IQUB: variants seen among roughly 807,000 people sequenced by gnomAD.
IQUB encodes IQ motif and ubiquitin-like domain-containing protein.
IQUB carries 86 observed loss-of-function variants against 86.4 expected under a neutral mutation model. That is an observed-to-expected ratio of 1.00 (90% CI 0.84 to 1.19). IQUB has a LOEUF of 1.19. Among genes scored for constraint, IQUB ranks in the 50% most tolerant of loss-of-function variants. The probability of loss-of-function intolerance (pLI) is 0.00; values close to 1 mark genes in which losing one functional copy is unlikely to be tolerated. For missense variants in IQUB, 946 were observed against 916.9 expected, an observed-to-expected ratio of 1.03 and a Z score of -0.41; for synonymous variants, 289 against 304.5, an observed-to-expected ratio of 0.95 and a Z score of 0.53.
Position 123,493,446 on chromosome 7 carries a change from T to C in IQUB, c.1234+3250A>G, listed in dbSNP as rs558533714. ...AAATTCTTTATGAGGGAGAGAGAGA[T>C]TGACTCTCATTGACTCTGGTATCCT... On this transcript the variant is annotated intron_variant, in intron 7 of 12. Coordinates refer to ENST00000324698, the MANE Select transcript of IQUB (RefSeq NM_178827.5). 7.2e-5 allele frequency among the ~76,000 whole-genome samples: 11 copies of C among 152,188 alleles called. No individual in the cohort carries two copies. The East Asian group carries it at 1.9e-3, about 27-fold the overall frequency.
intron 3 of IQUB, among the ~76,000 whole-genome samples, chr7:123,505,483 G>A (rs113192291): frequency 0.23 from 34,826 of 152,148 alleles, 4,684 homozygotes; most frequent in East Asian, 0.33. Flanking sequence ...TCTAGGCAGA[G>A]GCTCCCAAGC....
At position 123,509,908 on chromosome 7, in the gene IQUB, T is replaced by A. The variant is rs756069810; in HGVS notation, c.525A>T (p.Arg175Ser). 1.2e-6 allele frequency: 2 copies of A among 1,601,672 alleles called. No homozygotes were observed. Among genetic ancestry groups the A allele is most frequent in the South Asian group, 1.1e-5 (1 of 88,202 alleles). The change falls in exon 3 of 13, where the codon AGA becomes AGT. Residue 175 changes from arginine (R) to serine (S), a missense_variant. Arg to Ser is a moderately radical substitution (Grantham distance 110). Coordinates refer to ENST00000324698, the MANE Select transcript of IQUB (RefSeq NM_178827.5). ...LGIPHSVLQI[R>S]YSGKILKNNE... ...ATTAGCCTCCAAACTTACCTGAGTA[T>A]CTTATCTGCAGTACAGAATGTGGGA...
At chr7:123,488,214 G>T (rs1484167288) in intron 7 of IQUB, among the ~76,000 whole-genome samples, 1 of 151,772 alleles carries the variant, frequency 6.6e-6, no homozygotes, top group Non-Finnish European at 1.5e-5. Context: ...GGTGGCCGGC[G>T]CCTGTAGTCC....
intron 1 of IQUB, among the ~76,000 whole-genome samples, chr7:123,530,351 G>T (rs1040293079): frequency 6.6e-6 from 1 of 150,980 alleles, no homozygotes; most frequent in Non-Finnish European, 1.5e-5. Context: ...CAGGAGAATC[G>T]CTTCAACCTG....
chr7:123,512,385 G>A lies in IQUB; in HGVS notation c.-4-41C>T, dbSNP rs559926024. 17 of 1,238,234 alleles carry A rather than the reference G, an allele frequency of 1.4e-5. No individual in the cohort carries two copies. In the South Asian group the frequency reaches 2.0e-4, roughly 15 times the overall value. 76.7% of individuals were successfully genotyped at this position (1,238,234 alleles called of 1,614,324 possible). On this transcript the variant is annotated intron_variant, in intron 1 of 12. Transcript: ENST00000324698. ...TAAACACATTTACTACATAGATGAA[G>A]TTTCTACACAAAAAATCAAATTCAT...
At chr7:123,496,147 G>A (rs1304659368) in intron 7 of IQUB, among the ~76,000 whole-genome samples, 3 of 152,042 alleles carry the variant, frequency 2.0e-5, no homozygotes, top group Non-Finnish European at 4.4e-5. Flanking sequence ...AAGAGTGCCT[G>A]GCTTGTTCAA....
intron 7 of IQUB, among the ~76,000 whole-genome samples, chr7:123,489,523 A>C (rs1252295875): frequency 6.6e-6 from 1 of 151,888 alleles, no homozygotes; most frequent in African/African-American, 2.4e-5. Context: ...ATATATACTA[A>C]AATGGAAAAA....
chr7:123,495,796 A>G (rs759385381), intron 7 of IQUB, among the ~76,000 whole-genome samples: 6 of 152,140 alleles, frequency 3.9e-5, no homozygotes, highest in Non-Finnish European at 8.8e-5. Flanking sequence ...TCATTCATTC[A>G]TTTTATGAAC....
chr7:123,511,129 T>C (rs1796395723), intron 2 of IQUB, among the ~76,000 whole-genome samples: 1 of 152,180 alleles, frequency 6.6e-6, no homozygotes, highest in African/African-American at 2.4e-5. Flanking sequence ...TCTTTACTTA[T>C]ATGGACACAT....
intron 12 of IQUB, 65 bp downstream of exon 12, chr7:123,457,316 G>C: frequency 6.4e-7 from 1 of 1,573,190 alleles, no homozygotes; most frequent in Admixed American, 1.8e-5. Context: ...TTAGAAGGCA[G>C]TCCAGTTATC....
intron 1 of IQUB, among the ~76,000 whole-genome samples, chr7:123,528,387 T>C (rs1283563061): frequency 2.6e-5 from 4 of 152,376 alleles, no homozygotes; most frequent in South Asian, 4.1e-4. Flanking sequence ...CAAATACTTA[T>C]ACCAAATTAT....
chr7:123,521,859 T>C (rs558499582), intron 1 of IQUB, among the ~76,000 whole-genome samples: 65 of 152,314 alleles, frequency 4.3e-4, no homozygotes, highest in African/African-American at 1.4e-3. Context: ...AAGCATTTAT[T>C]CAACCTAAAA....
chr7:123,510,002 A>G lies in IQUB; in HGVS notation c.431T>C (p.Ile144Thr). ...GGTATCAACCTTAAAAGGTATTACA[A>G]TTTCCTGGCCCACTGGAATAAGTAC... Reference protein sequence around the residue: ...KVVLIPVGQEIVIPFKVDTIL... With the variant: ...KVVLIPVGQETVIPFKVDTIL... The change falls in exon 3 of 13, where the codon ATT (isoleucine) becomes ACT (threonine). Residue 144 changes from isoleucine (I) to threonine (T), a missense_variant. Physicochemically the swap from Ile to Thr is moderately conservative, Grantham distance 89 (BLOSUM62 -1). Transcript: ENST00000324698. 6.3e-7 allele frequency: 1 copy of G among 1,586,082 alleles called. No homozygotes were observed. The highest frequency in any genetic ancestry group is 8.6e-7 in the Non-Finnish European group (1 of 1,160,428).
At chr7:123,526,198 T>A (rs896858778) in intron 1 of IQUB, among the ~76,000 whole-genome samples, 1 of 152,086 alleles carries the variant, frequency 6.6e-6, no homozygotes, top group Non-Finnish European at 1.5e-5. Context: ...GGTGTAGAGT[T>A]CTGTAGATGT....
chr7:123,499,309 C>A (rs992888155), intron 6 of IQUB, among the ~76,000 whole-genome samples: 1 of 151,936 alleles, frequency 6.6e-6, no homozygotes, highest in Non-Finnish European at 1.5e-5. Flanking sequence ...AGGGTTTCAC[C>A]AAGTTGCCGA....
At chr7:123,487,979 A>G (rs1286543057) in intron 7 of IQUB, among the ~76,000 whole-genome samples, 1 of 152,192 alleles carries the variant, frequency 6.6e-6, no homozygotes, top group Non-Finnish European at 1.5e-5. Context: ...ATTAAACAGT[A>G]GAACATAAAC....
At chr7:123,503,141 T>G (rs753342696) in intron 4 of IQUB, 25 bp from the exon 5 acceptor site, 9 of 1,609,874 alleles carry the variant, frequency 5.6e-6, no homozygotes, top group Admixed American at 5.1e-5. Context: ...CAAGATTCAA[T>G]GAAAGCTCAA....
chr7:123,469,547 T>A (rs1794434200), intron 8 of IQUB, among the ~76,000 whole-genome samples, 163 bp from the exon 9 acceptor site: 1 of 152,164 alleles, frequency 6.6e-6, no homozygotes, highest in African/African-American at 2.4e-5. Flanking sequence ...CAGGCAAAAG[T>A]AAAATATTTT....
At chr7:123,490,014 C>G (rs1446135196) in intron 7 of IQUB, among the ~76,000 whole-genome samples, 1 of 151,522 alleles carries the variant, frequency 6.6e-6, no homozygotes, top group African/African-American at 2.4e-5. Flanking sequence ...ATAAAACAAA[C>G]AGTGAAAGAT....
Sources: allele counts gnomAD v4.1 joint callset (sites outside exome capture counted in the v4.1 genomes callset), GRCh38; gene constraint gnomAD v4.1.1; transcripts MANE v1.5; gene names NCBI Gene and HGNC (gene_info 2026-07-23, HGNC 2026-07-21).